Variants in TXNDC12 observed in about 807,000 individuals in gnomAD.
The protein encoded by TXNDC12 is thioredoxin domain containing 12.
Under a neutral mutation model 24.2 loss-of-function variants are expected in TXNDC12, and 22 were observed. That is an observed-to-expected ratio of 0.91 (90% CI 0.65 to 1.30). The LOEUF (loss-of-function observed/expected upper bound fraction) is 1.30, where lower values mean the gene tolerates loss of function less well. TXNDC12 is among the 50% of genes most tolerant of loss of function. TXNDC12 has a pLI of 0.00. For synonymous variants in TXNDC12, 58 were observed against 73.4 expected, an observed-to-expected ratio of 0.79 and a Z score of 1.07; for missense variants, 184 against 205.8, an observed-to-expected ratio of 0.89 and a Z score of 0.65.
At chr1:52,042,442 T>C (rs1686009613) in intron 1 of TXNDC12, among the ~76,000 whole-genome samples, 1 of 151,436 alleles carries the variant, frequency 6.6e-6, no homozygotes, top group South Asian at 2.1e-4. Flanking sequence ...ATCTTATATA[T>C]ACACCCTATA....
chr1:52,041,664 T>A (rs781528386), intron 1 of TXNDC12, 67 bp from the exon 2 acceptor site: 22 of 1,122,036 alleles, frequency 2.0e-5, no homozygotes, highest in Non-Finnish European at 2.4e-5. Flanking sequence ...GAAGGAAGTG[T>A]GCATGTTCAC....
chr1:52,043,693 C>T (rs1686036734), intron 1 of TXNDC12, among the ~76,000 whole-genome samples: 1 of 152,172 alleles, frequency 6.6e-6, no homozygotes, highest in African/African-American at 2.4e-5. Flanking sequence ...TTTTGTTATT[C>T]TATACGATTG....
chr1:52,026,997 C>G (rs1327552512), intron 4 of TXNDC12, among the ~76,000 whole-genome samples: 1 of 151,846 alleles, frequency 6.6e-6, no homozygotes, highest in Non-Finnish European at 1.5e-5. Flanking sequence ...GATCGCACCA[C>G]TGCACTCCAG....
At chr1:52,033,781 T>C (rs1369093178) in intron 2 of TXNDC12, 2 of 1,552,212 alleles carry the variant, frequency 1.3e-6, no homozygotes, top group African/African-American at 2.7e-5. Context: ...GAGCGACCAT[T>C]GGCAACCGCG....
intron 1 of TXNDC12, among the ~76,000 whole-genome samples, chr1:52,052,881 G>A (rs1686243648): frequency 6.6e-6 from 1 of 152,142 alleles, no homozygotes; most frequent in Non-Finnish European, 1.5e-5. Flanking sequence ...TGCAGATGAG[G>A]AACGGAGGCT....
At chr1:52,031,074 A>T (rs530708610) in intron 2 of TXNDC12, among the ~76,000 whole-genome samples, 29 of 152,068 alleles carry the variant, frequency 1.9e-4, no homozygotes, top group Middle Eastern at 3.5e-3. Context: ...CACCTCCCCC[A>T]ACAGCTAGTT....
chr1:52,024,368 G>A (rs1199888875), intron 5 of TXNDC12, 142 bp downstream of exon 5: 2 of 647,828 alleles, frequency 3.1e-6, no homozygotes, highest in African/African-American at 3.7e-5. Context: ...CTAGCATTCA[G>A]AACTCCCCCA....
In TXNDC12 at chr1:52,027,277, C is replaced by G. The variant is rs1380181050; in HGVS notation, c.283G>C (p.Glu95Gln). The stretch of plus-strand genomic sequence containing the variant: ...AGGAGAAACTCTCAAAGTCTTACCT[C>G]AAGATTTACCATAACAAAATTATGG... Reference protein sequence around the residue: ...LSHNFVMVNLEDEEEPKDEDF... With the variant: ...LSHNFVMVNLQDEEEPKDEDF... The change falls in exon 4 of 7, where the codon GAG (glutamate) becomes CAG (glutamine). Residue 95 changes from glutamate (E) to glutamine (Q), a missense_variant and splice_region_variant. Coordinates refer to ENST00000371626, the MANE Select transcript of TXNDC12 (RefSeq NM_015913.4). 3.1e-6 allele frequency: 5 copies of G among 1,609,128 alleles called. No individual in the cohort carries two copies. In the South Asian group the frequency reaches 5.5e-5, roughly 18 times the overall value.
intron 2 of TXNDC12, among the ~76,000 whole-genome samples, chr1:52,037,499 C>T (rs986727727): frequency 1.3e-5 from 2 of 152,170 alleles, no homozygotes; most frequent in Non-Finnish European, 2.9e-5. Flanking sequence ...GCATGAGCCA[C>T]TGGGCCCAGC....
rs76100080 is a variant in TXNDC12, at chr1:52,045,645, A to G, written c.98-4048T>C. 7.1e-3 allele frequency among the ~76,000 whole-genome samples: 1,085 copies of G among 152,348 alleles called. 14 individuals are homozygous for G. Among genetic ancestry groups the G allele is most frequent in the African/African-American group, 0.025 (1,042 of 41,572 alleles). ...TATGGCAGTCCTAGCAAACGAATAC[A>G]TATGTTATTATACATTTGTCAAAAC... On this transcript the variant is annotated intron_variant, in intron 1 of 6. Transcript: ENST00000371626.
rs61332572 is a variant in TXNDC12 at position 52,027,740 on chromosome 1, T to TATATATAC, written c.212-400_212-393dup. ...CATATATGTATGTGTGTATATATGT[T>TATATATAC]ATATATACATATATACATATATACG... On this transcript the variant is annotated intron_variant, in intron 3 of 6. Transcript: ENST00000371626. Among the ~76,000 whole-genome samples, 1,446 of 149,670 alleles carry TATATATAC rather than the reference T, an allele frequency of 9.7e-3. 64 individuals carry two copies. In the East Asian group the frequency reaches 0.13, roughly 13 times the overall value.
intron 2 of TXNDC12, chr1:52,032,405 C>G (rs1428166812): frequency 1.7e-6 from 2 of 1,158,156 alleles, no homozygotes. Flanking sequence ...GGTCAATGCT[C>G]TGTGATAGCC....
chr1:52,022,157 C>A (rs145130111), intron 6 of TXNDC12, among the ~76,000 whole-genome samples: 13 of 152,262 alleles, frequency 8.5e-5, no homozygotes, highest in African/African-American at 3.1e-4. Context: ...CCTCCCCGTC[C>A]CTAGTCTGAG....
At position 52,032,186 on chromosome 1, in the gene TXNDC12, T is replaced by C. The variant is rs575725553; in HGVS notation, c.159-3556A>G. On this transcript the variant is annotated intron_variant, in intron 2 of 6. Transcript: ENST00000371626. Reference sequence around the variant, plus strand: ...CCACAAAAACAAAGTTTCTCAAGGATACAAACCAATGGATTTATCTGTGAA... The same window carrying C: ...CCACAAAAACAAAGTTTCTCAAGGACACAAACCAATGGATTTATCTGTGAA... The C allele has an allele frequency of 1.7e-4, 172 of 985,190 alleles. 1 individual carries two copies. The South Asian group carries it at 7.1e-3, about 41-fold the overall frequency. 61.0% of individuals were successfully genotyped at this position (985,190 alleles called of 1,614,324 possible). A position where few individuals can be genotyped will look rare whatever the true frequency, so the allele number is the denominator to read the frequency against.
intron 1 of TXNDC12, chr1:52,052,787 C>G (rs1312811460): frequency 6.6e-6 from 1 of 152,162 alleles, no homozygotes; most frequent in Admixed American, 6.5e-5. Flanking sequence ...ATACCTGATT[C>G]CAAGGTATTA....
At chr1:52,032,772 T>A in intron 2 of TXNDC12, 1 of 1,614,128 alleles carries the variant, frequency 6.2e-7, no homozygotes. Flanking sequence ...TGGGATGCAT[T>A]TTAGTGTACG....
chr1:52,041,400 A>G (rs1211868811), intron 2 of TXNDC12, 137 bp downstream of exon 2: 2 of 526,194 alleles, frequency 3.8e-6, no homozygotes, highest in Non-Finnish European at 6.8e-6. Flanking sequence ...GTTAGCCATT[A>G]TTATTGCTGT....
chr1:52,041,566 C>T lies in TXNDC12; in HGVS notation c.129G>A (p.Leu43=). The change falls in exon 2 of 7, where the codon CTG becomes CTA. Residue 43 remains leucine (L), a synonymous_variant. Transcript: ENST00000371626. ...GFGDHIHWRT[L]EDGKKEAAAS... is the part of the protein sequence containing the mutation. ...CAGCTGCTTCTTTCTTCCCATCTTC[C>T]AGTGTCCTCCAATGAATATGATCTC... 2 of 1,612,736 alleles carry T rather than the reference C, an allele frequency of 1.2e-6. No individual in the cohort carries two copies. Among genetic ancestry groups the T allele is most frequent in the Non-Finnish European group, 1.7e-6 (2 of 1,179,220 alleles).
At chr1:52,045,315 G>A (rs1463865640) in intron 1 of TXNDC12, among the ~76,000 whole-genome samples, 1 of 152,176 alleles carries the variant, frequency 6.6e-6, no homozygotes, top group African/African-American at 2.4e-5. Context: ...ATATGAAACT[G>A]TAATGGTGGA....
Sources: gnomAD v4.1 joint callset for allele counts (sites outside exome capture counted in the v4.1 genomes callset) on GRCh38, gnomAD v4.1.1 for gene constraint, MANE v1.5 for transcripts, NCBI Gene and HGNC (gene_info 2026-07-23, HGNC 2026-07-21) for gene names.